BNC2: variants seen among roughly 807,000 people sequenced by gnomAD.
BNC2 encodes basonuclin zinc finger protein 2.
In BNC2, 20 loss-of-function variants were observed where a neutral mutation model predicts 76.3. That is an observed-to-expected ratio of 0.26 (90% CI 0.18 to 0.38). BNC2 has a LOEUF of 0.38. Among genes scored for constraint, BNC2 ranks in the 10% least tolerant of loss-of-function variants. The pLI is 1.00. For synonymous variants in BNC2, 582 were observed against 514.8 expected (o/e 1.13, Z -1.77); for missense variants, 1,382 against 1,399.8 (o/e 0.99, Z 0.20).
At chr9:16,471,356 C>G (rs1357950282) in intron 5 of BNC2, among the ~76,000 whole-genome samples, 1 of 150,358 alleles carries the variant, frequency 6.7e-6, no homozygotes, top group Non-Finnish European at 1.5e-5. Flanking sequence ...TGCAGTGGCA[C>G]GATCTTGGCT....
intron 3 of BNC2, among the ~76,000 whole-genome samples, chr9:16,623,630 T>A (rs900355733): frequency 6.6e-6 from 1 of 152,210 alleles, no homozygotes; most frequent in African/African-American, 2.4e-5. Flanking sequence ...AAGAAAAACA[T>A]TAGTTTAAAT....
chr9:16,668,453 T>C (rs967780536), intron 3 of BNC2, among the ~76,000 whole-genome samples: 3 of 152,228 alleles, frequency 2.0e-5, no homozygotes, highest in African/African-American at 4.8e-5. Flanking sequence ...GATCTCAGGG[T>C]ATACCATACA....
chr9:16,510,230 A>C (rs1822721136), intron 5 of BNC2, among the ~76,000 whole-genome samples: 1 of 152,200 alleles, frequency 6.6e-6, no homozygotes, highest in African/African-American at 2.4e-5. Flanking sequence ...TCATCTCTAC[A>C]AAAGAGAAAA....
At chr9:16,515,304 G>T (rs1305806364) in intron 5 of BNC2, among the ~76,000 whole-genome samples, 1 of 152,200 alleles carries the variant, frequency 6.6e-6, no homozygotes, top group East Asian at 1.9e-4. Context: ...CCTGCGCCCG[G>T]TGAGAAGAGG....
chr9:16,760,461 T>C (rs2135377006), intron 1 of BNC2, among the ~76,000 whole-genome samples: 1 of 152,294 alleles, frequency 6.6e-6, no homozygotes, highest in Middle Eastern at 3.4e-3. Context: ...AATGAGGGCC[T>C]GGCTGGGAGG....
At chr9:16,773,824 G>A (rs376476775) in intron 1 of BNC2, among the ~76,000 whole-genome samples, 14 of 151,922 alleles carry the variant, frequency 9.2e-5, no homozygotes, top group African/African-American at 1.5e-4. Flanking sequence ...TTCCCTTTGC[G>A]CATTTTCTAA....
intron 1 of BNC2, among the ~76,000 whole-genome samples, chr9:16,757,745 C>A (rs1290891518): frequency 6.7e-6 from 1 of 149,060 alleles, no homozygotes; most frequent in Non-Finnish European, 1.5e-5. Flanking sequence ...AGCATACTTG[C>A]AAGGTCGCAT....
At chr9:16,523,212 C>T (rs1817675582) in intron 5 of BNC2, among the ~76,000 whole-genome samples, 1 of 152,144 alleles carries the variant, frequency 6.6e-6, no homozygotes, top group Non-Finnish European at 1.5e-5. Context: ...TGGCTCACAC[C>T]TGTAATCCCA....
At chr9:16,861,718 G>C (rs371718139) in intron 1 of BNC2, among the ~76,000 whole-genome samples, 1 of 152,172 alleles carries the variant, frequency 6.6e-6, no homozygotes, top group Non-Finnish European at 1.5e-5. Flanking sequence ...GGCCAGGCGC[G>C]GTGGCTCACG....
intron 3 of BNC2, among the ~76,000 whole-genome samples, chr9:16,711,866 T>A (rs892580741): frequency 3.9e-5 from 6 of 152,244 alleles, no homozygotes; most frequent in African/African-American, 1.4e-4. Flanking sequence ...CTTCACTTAC[T>A]CGTTTTGAGA....
In BNC2 at chr9:16,566,338, T is replaced by G. The variant is rs552746356; in HGVS notation, c.434-13573A>C. ...ATTATTCTATTTTCAATGGAAGGGG[T>G]AAATGTATGATTCCACCATGCCACC... On this transcript the variant is annotated intron_variant, in intron 4 of 6. Transcript: ENST00000380672. Among the ~76,000 whole-genome samples, 26 of 152,226 alleles carry G rather than the reference T, an allele frequency of 1.7e-4. No homozygotes were observed. In the South Asian group the frequency reaches 5.0e-3, roughly 29 times the overall value.
chr9:16,747,503 A>G (rs10732336), intron 1 of BNC2, among the ~76,000 whole-genome samples: 142,631 of 152,270 alleles, frequency 0.94, 66,887 homozygotes, highest in East Asian at 0.99. Flanking sequence ...ATTCTTCACA[A>G]GTCCTCTGAG....
chr9:16,560,487 G>T (rs893381689), intron 4 of BNC2, among the ~76,000 whole-genome samples: 1 of 152,068 alleles, frequency 6.6e-6, no homozygotes, highest in African/African-American at 2.4e-5. Context: ...TAAGATGGGA[G>T]GATCACTTGA....
chr9:16,863,564 G>A (rs988454201), intron 1 of BNC2, among the ~76,000 whole-genome samples: 34 of 152,228 alleles, frequency 2.2e-4, no homozygotes, highest in Non-Finnish European at 3.8e-4. Flanking sequence ...GCGCAGTGGC[G>A]CACGCTTGTA....
chr9:16,558,933 CAAAA>C (rs574756487), intron 4 of BNC2, among the ~76,000 whole-genome samples: 7 of 81,204 alleles, frequency 8.6e-5, no homozygotes, highest in African/African-American at 1.7e-4. Context: ...GACTCCGTCT[CAAAA>C]AAAAAAAAAA....
intron 3 of BNC2, among the ~76,000 whole-genome samples, chr9:16,619,783 C>G (rs535220574): frequency 2.6e-5 from 4 of 152,116 alleles, no homozygotes; most frequent in Non-Finnish European, 4.4e-5. Flanking sequence ...CTGTAACACA[C>G]TCTAAGGGCA....
At chr9:16,749,823 G>A (rs754226998) in intron 1 of BNC2, among the ~76,000 whole-genome samples, 1 of 152,178 alleles carries the variant, frequency 6.6e-6, no homozygotes, top group Non-Finnish European at 1.5e-5. Flanking sequence ...TAGAGGCCTT[G>A]AAATTTGGAC....
chr9:16,436,847 T>C lies in BNC2; in HGVS notation c.1347A>G (p.Thr449=). 6.2e-7 allele frequency: 1 copy of C among 1,614,152 alleles called. No individual in the cohort carries two copies. Among genetic ancestry groups the C allele is most frequent in the Non-Finnish European group, 8.5e-7 (1 of 1,180,018 alleles). The change falls in exon 6 of 7, where the codon ACA becomes ACG. Residue 449 remains threonine (T), a synonymous_variant. Transcript: ENST00000380672. ...TTTTGAGAGTACCTTTGTCATAGAATGTCTTCCCACATGCATTACAGAACA... is the reference window on the plus strand; with the variant it reads ...TTTTGAGAGTACCTTTGTCATAGAACGTCTTCCCACATGCATTACAGAACA... ...GRVFCNACGK[T]FYDKGTLKIH... is the part of the protein sequence containing the mutation.
chr9:16,798,497 G>C (rs1432722970), intron 1 of BNC2, among the ~76,000 whole-genome samples: 1 of 152,132 alleles, frequency 6.6e-6, no homozygotes, highest in East Asian at 1.9e-4. Context: ...GAGGTTAAAA[G>C]TACTAACCCT....
Sources: allele counts gnomAD v4.1 joint callset (sites outside exome capture counted in the v4.1 genomes callset), GRCh38; gene constraint gnomAD v4.1.1; transcripts MANE v1.5; gene names NCBI Gene and HGNC (gene_info 2026-07-23, HGNC 2026-07-21).